The following INMT variants were observed in gnomAD, a reference collection of about 807,000 sequenced individuals.
INMT encodes amine N-methyltransferase.
INMT carries 11 observed loss-of-function variants against 11.5 expected under a neutral mutation model. That is an observed-to-expected ratio of 0.95 (90% confidence interval 0.60 to 1.58). The LOEUF (loss-of-function observed/expected upper bound fraction) is 1.58, where lower values mean the gene tolerates loss of function less well. INMT is among the 40% of genes most tolerant of loss of function. The pLI, the probability that INMT is intolerant of heterozygous loss-of-function variation, is 0.00. For synonymous variants in INMT, 155 were observed against 142.9 expected (o/e 1.08, Z -0.60); for missense variants, 316 against 336.1 (o/e 0.94, Z 0.47).
intron 1 of INMT, 118 bp downstream of exon 1, chr7:30,752,422 G>A (rs936000153): frequency 1.3e-6 from 1 of 744,102 alleles, no homozygotes; most frequent in Non-Finnish European, 2.2e-6. Flanking sequence ...GATGGGCTGG[G>A]GGAGCTTCTG....
At chr7:30,755,222 T>G (rs1279289810) in intron 2 of INMT, among the ~76,000 whole-genome samples, 200 bp from the exon 3 acceptor site, 1 of 152,218 alleles carries the variant, frequency 6.6e-6, no homozygotes, top group Non-Finnish European at 1.5e-5. Flanking sequence ...ATAATTGTTC[T>G]AGCCATTCTC....
Position 30,752,211 on chromosome 7 carries a change from T to C in INMT, c.61T>C (p.Leu21=), listed in dbSNP as rs1235136941. ...YQKHFLPRDY[L]ATYYSFDGSP... ...GAAGCACTTCCTGCCCAGGGACTAC[T>C]TGGCTACTTACTACAGCTTCGATGG... The change falls in exon 1 of 3, where the codon TTG becomes CTG. Residue 21 remains leucine, a synonymous_variant. Coordinates refer to ENST00000013222, the MANE Select transcript of INMT (RefSeq NM_006774.5). The C allele has an allele frequency of 3.7e-6, 6 of 1,613,968 alleles. No homozygotes were observed. In the East Asian group the frequency reaches 1.1e-4, roughly 30 times the overall value.
In INMT at chr7:30,755,484, A is replaced by G; in HGVS notation, c.425A>G (p.Asp142Gly). Residue 142 changes from aspartate to glycine, a missense_variant, in exon 3 of 3, where the codon GAT becomes GGT. Physicochemically the swap from Asp to Gly is moderately conservative, Grantham distance 94. Coordinates refer to ENST00000013222, the MANE Select transcript of INMT (RefSeq NM_006774.5). ...RAAVKRVLKCDVHLGNPLAPA... is the reference protein window; with the variant it reads ...RAAVKRVLKCGVHLGNPLAPA... ...GCGGTGAAGCGGGTGCTCAAGTGCG[A>G]TGTCCACCTGGGCAACCCGCTGGCC... 6.2e-7 allele frequency: 1 copy of G among 1,603,018 alleles called. No individual in the cohort carries two copies.
In INMT at chr7:30,756,872, G is replaced by A. The variant is rs140413488; in HGVS notation, c.*1021G>A. ...ATTTTACAGTTGACTCTCATGAGCT[G>A]ATTGGAGTCAGCTGGAACATACCAC... On this transcript the variant is annotated 3_prime_UTR_variant, in exon 3 of 3. Coordinates refer to ENST00000013222, the MANE Select transcript of INMT (RefSeq NM_006774.5). The A allele has an allele frequency of 6.6e-6, 1 of 152,368 alleles. No individual in the cohort carries two copies. Among genetic ancestry groups the A allele is most frequent in the Non-Finnish European group, 1.5e-5 (1 of 68,048 alleles). The allele number at this position is 152,368 out of a possible 1,614,324, so 9.4% of individuals were successfully genotyped here.
At chr7:30,752,898 T>G (rs1265082817) in intron 1 of INMT, among the ~76,000 whole-genome samples, 1 of 152,184 alleles carries the variant, frequency 6.6e-6, no homozygotes, top group East Asian at 1.9e-4. Context: ...CCCCATGATT[T>G]GATTGTGTCT....
chr7:30,752,398 T>A, intron 1 of INMT, 94 bp downstream of exon 1: 1 of 1,082,302 alleles, frequency 9.2e-7, no homozygotes, highest in Non-Finnish European at 1.4e-6. Flanking sequence ...TGGTCTCCTC[T>A]AGGGGTTTTT....
intron 2 of INMT, among the ~76,000 whole-genome samples, chr7:30,755,067 C>T (rs1378655905): frequency 1.3e-5 from 2 of 152,184 alleles, no homozygotes; most frequent in African/African-American, 4.8e-5. Flanking sequence ...TATATTCATA[C>T]ATTATCTGTA....
In INMT at chr7:30,754,972, G is replaced by A. The variant is rs143933287; in HGVS notation, c.363-450G>A. On this transcript the variant is annotated intron_variant, in intron 2 of 2. Transcript: ENST00000013222. This position sits in a 1 kb window ranked among gnomAD's most constrained non-coding sequence, Gnocchi z 4.9. ...AACAATCTATAATTTAGTTTTAGTC[G>A]CCTTTGAGCTTTATAGCAGAGTAAT... 8.2e-3 allele frequency among the ~76,000 whole-genome samples: 1,248 copies of A among 152,048 alleles called. 16 individuals carry two copies. Among genetic ancestry groups the A allele is most frequent in the African/African-American group, 0.027 (1,139 of 41,448 alleles).
In INMT at chr7:30,757,534, G is replaced by T; in HGVS notation, c.*1683G>T. The T allele has an allele frequency of 6.3e-6, 1 of 159,100 alleles. No individual in the cohort carries two copies. The highest frequency in any genetic ancestry group is 1.6e-4 in the South Asian group (1 of 6,076). 9.9% of individuals were successfully genotyped at this position (159,100 alleles called of 1,614,324 possible). A position where few individuals can be genotyped will look rare whatever the true frequency, so the allele number is the denominator to read the frequency against. On this transcript the variant is annotated 3_prime_UTR_variant, in exon 3 of 3. Coordinates refer to ENST00000013222, the MANE Select transcript of INMT (RefSeq NM_006774.5). ...GGGCTCAAGCAGCCAAGGCAGGGCG[G>T]ACAGTGTGAGAGAGCTAGTGTAAGC... is the stretch of plus-strand genomic sequence containing the variant.
In INMT at chr7:30,756,274, C is replaced by CA. The variant is rs938467941; in HGVS notation, c.*424dup. ...TTTTTGAGACGGAGTCTGGCTCTGT[C>CA]ACCCAGGCTAGAGTGCAATGGCACG... On this transcript the variant is annotated 3_prime_UTR_variant, in exon 3 of 3. Transcript: ENST00000013222. The CA allele has an allele frequency of 2.1e-5, 20 of 967,922 alleles. No homozygotes were observed. In the African/African-American group the frequency reaches 3.2e-4, roughly 16 times the overall value. The allele number at this position is 967,922 out of a possible 1,614,324, so 60.0% of individuals were successfully genotyped here. A position where few individuals can be genotyped will look rare whatever the true frequency, so the allele number is the denominator to read the frequency against.
rs34268545 is a variant in INMT at position 30,757,528 on chromosome 7, AG to A, written c.*1680del. 0.21 allele frequency: 33,730 copies of A among 161,614 alleles called. 4,512 individuals are homozygous for A. Among genetic ancestry groups the A allele is most frequent in the Non-Finnish European group, 0.29 (21,855 of 74,184 alleles). 10.0% of individuals were successfully genotyped at this position (161,614 alleles called of 1,614,324 possible). A position where few individuals can be genotyped will look rare whatever the true frequency, so the allele number is the denominator to read the frequency against. ...AGCCACGGGCTCAAGCAGCCAAGGC[AG>A]GGCGGACAGTGTGAGAGAGCTAGTG... On this transcript the variant is annotated 3_prime_UTR_variant, in exon 3 of 3. Transcript: ENST00000013222.
In INMT at chr7:30,753,770, G is replaced by T. The variant is rs752061139; in HGVS notation, c.194G>T (p.Gly65Val). Residue 65 changes from glycine to valine, a missense_variant, in exon 2 of 3, where the codon GGT (glycine) becomes GTT (valine). Physicochemically the swap from Gly to Val is moderately radical, Grantham distance 109 (BLOSUM62 -3). Transcript: ENST00000013222. ...QGDTLIDIGSGPTIYQVLAAC... is the reference protein window; with the variant it reads ...QGDTLIDIGSVPTIYQVLAAC... Reference sequence around the variant, plus strand: ...GACACGCTGATTGACATTGGCTCAGGTCCTACCATCTACCAAGTTCTTGCT... The same window carrying T: ...GACACGCTGATTGACATTGGCTCAGTTCCTACCATCTACCAAGTTCTTGCT... 6.2e-7 allele frequency: 1 copy of T among 1,613,948 alleles called. No individual in the cohort carries two copies. The highest frequency in any genetic ancestry group is 1.7e-5 in the Admixed American group (1 of 60,002).
rs1554357937 is a variant in INMT, at chr7:30,756,421, T to TTTTTTATTTTTTTA, written c.*570_*571insTTTTTATTTTTTTA. 6.4e-6 allele frequency: 1 copy of TTTTTTATTTTTTTA among 155,108 alleles called. No homozygotes were observed. Among genetic ancestry groups the TTTTTTATTTTTTTA allele is most frequent in the African/African-American group, 2.6e-5 (1 of 39,040 alleles). The allele number at this position is 155,108 out of a possible 1,614,324, so 9.6% of individuals were successfully genotyped here. A position where few individuals can be genotyped will look rare whatever the true frequency, so the allele number is the denominator to read the frequency against. ...CAGCTAATTTTTTTTTTTTTTTTTTTATTTGAGACGGAGTTTCGCTCTGTC... is the reference window on the plus strand; with the variant it reads ...CAGCTAATTTTTTTTTTTTTTTTTTTTTTTTATTTTTTTAATTTGAGACGGAGTTTCGCTCTGTC... On this transcript the variant is annotated 3_prime_UTR_variant, in exon 3 of 3. Transcript: ENST00000013222.
At position 30,754,636 on chromosome 7, in the gene INMT, TATCCATCC is replaced by T. The variant is rs58315408; in HGVS notation, c.362+733_362+740del. Among the ~76,000 whole-genome samples, 1,602 of 144,598 alleles carry T rather than the reference TATCCATCC, an allele frequency of 0.011. 15 individuals carry two copies. The highest frequency in any genetic ancestry group is 0.016 in the Non-Finnish European group (1,054 of 66,010). The allele number at this position is 144,598 out of a possible 152,430, so 94.9% of individuals were successfully genotyped here. ...ATCCACCCATCCATCCATATCCATC[TATCCATCC>T]ATCCATCCATCCATCCATCCATCCA... On this transcript the variant is annotated intron_variant, in intron 2 of 2. Transcript: ENST00000013222. The surrounding 1 kb of genome is among the most constrained non-coding windows in gnomAD (Gnocchi z 4.9).
chr7:30,755,674 G>C lies in INMT; in HGVS notation c.615G>C (p.Met205Ile), dbSNP rs772238032. The change falls in exon 3 of 3, where the codon ATG becomes ATC. Residue 205 changes from methionine to isoleucine, a missense_variant. By Grantham distance (10) the Met-to-Ile change is conservative. Transcript: ENST00000013222. Reference sequence around the variant, plus strand: ...TCACGCTTCGGCTCCCGTCCTACATGGTGGGGAAGCGTGAATTTTCCTGCG... The same window carrying C: ...TCACGCTTCGGCTCCCGTCCTACATCGTGGGGAAGCGTGAATTTTCCTGCG... ...TTVTLRLPSYMVGKREFSCVA... is the reference protein window; with the variant it reads ...TTVTLRLPSYIVGKREFSCVA... 8 of 1,614,092 alleles carry C rather than the reference G, an allele frequency of 5.0e-6. No homozygotes were observed. The highest frequency in any genetic ancestry group is 3.3e-5 in the South Asian group (3 of 91,088).
In INMT at chr7:30,752,255, C is replaced by T. The variant is rs139344503; in HGVS notation, c.105C>T (p.Ala35=). 1.6e-4 allele frequency: 254 copies of T among 1,614,108 alleles called. 1 individual carries two copies. The African/African-American group carries it at 1.9e-3, about 12-fold the overall frequency. ...TCGATGGCAGCCCCTCACCCGAGGC[C>T]GAGATGCTGAAGTTTAACTTGGAAT... ...YSFDGSPSPE[A]EMLKFNLECL... Residue 35 remains alanine, a synonymous_variant, in exon 1 of 3, where the codon GCC becomes GCT. Coordinates refer to ENST00000013222, the MANE Select transcript of INMT (RefSeq NM_006774.5).
At position 30,753,888 on chromosome 7, in the gene INMT, C is replaced by A; in HGVS notation, c.312C>A (p.Ala104=). The change falls in exon 2 of 3, where the codon GCC becomes GCA. Residue 104 remains alanine, a synonymous_variant. Transcript: ENST00000013222. The part of the protein sequence containing the change: ...LEKWLKKEPG[A]YDWTPAVKFA... ...AGTGGCTGAAGAAGGAGCCGGGGGC[C>A]TATGACTGGACCCCAGCGGTGAAAT... 5.0e-6 allele frequency: 8 copies of A among 1,614,182 alleles called. No individual in the cohort carries two copies. The highest frequency in any genetic ancestry group is 6.8e-6 in the Non-Finnish European group (8 of 1,180,020).
Position 30,754,311 on chromosome 7 carries a change from T to TCATC in INMT, c.362+397_362+400dup, listed in dbSNP as rs147764304. Among the ~76,000 whole-genome samples, 517 of 151,484 alleles carry TCATC rather than the reference T, an allele frequency of 3.4e-3. 1 individual carries two copies. The highest frequency in any genetic ancestry group is 0.011 in the African/African-American group (461 of 41,278). On this transcript the variant is annotated intron_variant, in intron 2 of 2. Transcript: ENST00000013222. The surrounding 1 kb of genome is among the most constrained non-coding windows in gnomAD (Gnocchi z 4.9). Reference sequence around the variant, plus strand: ...TCCGTCCACCCACCGGTTCATCCATTCATCCATCCATCCATCCATCCATCC... The same window carrying TCATC: ...TCCGTCCACCCACCGGTTCATCCATTCATCCATCCATCCATCCATCCATCCATCC...
rs527880969 is a variant in INMT, at chr7:30,753,908, T to A, written c.332T>A (p.Val111Glu). The change falls in exon 2 of 3, where the codon GTG becomes GAG. Residue 111 changes from valine (V) to glutamate (E), a missense_variant. Transcript: ENST00000013222. ...EPGAYDWTPA[V>E]KFACELEGNS... ...GGGGCCTATGACTGGACCCCAGCGG[T>A]GAAATTCGCCTGTGAGCTGGAAGGA... 6.2e-7 allele frequency: 1 copy of A among 1,613,950 alleles called. No individual in the cohort carries two copies. The highest frequency in any genetic ancestry group is 2.2e-5 in the East Asian group (1 of 44,876).
Sources: gnomAD v4.1 joint callset for allele counts (sites outside exome capture counted in the v4.1 genomes callset) on GRCh38, gnomAD v4.1.1 for gene constraint, Gnocchi (gnomAD v3.1) non-coding constraint, MANE v1.5 for transcripts, NCBI Gene and HGNC (gene_info 2026-07-23, HGNC 2026-07-21) for gene names.